GEMIN8: variants seen among roughly 807,000 people sequenced by gnomAD.
GEMIN8 encodes gem nuclear organelle associated protein 8.
For synonymous variants in GEMIN8, 80 were observed against 78.5 expected (o/e 1.02, Z -0.10); for missense variants, 185 against 205.9 (o/e 0.90, Z 0.62).
the GEMIN8 span, among the ~76,000 whole-genome samples, chrX:13,988,439 C>T: frequency 7.7e-4 from 84 of 109,428 alleles, no homozygotes; most frequent in Non-Finnish European, 2.3e-4. Flanking sequence ...TCACCGTTTC[C>T]AGATCTCATC....
chrX:14,009,964 A>G (rs769366552), intron 4 of GEMIN8, among the ~76,000 whole-genome samples: 2 of 112,470 alleles, frequency 1.8e-5, no homozygotes, highest in East Asian at 5.6e-4. Context: ...CATACCAAGC[A>G]AGGAAAAGTT....
intron 4 of GEMIN8, among the ~76,000 whole-genome samples, chrX:14,014,942 C>T (rs1923813096): frequency 8.9e-6 from 1 of 111,755 alleles, no homozygotes; most frequent in Admixed American, 9.5e-5. Flanking sequence ...CGGTGCTCCT[C>T]CTTTGACTGC....
chrX:14,020,303 A>G lies in GEMIN8; in HGVS notation c.247T>C (p.Trp83Arg). The change falls in exon 4 of 5, where the codon TGG (tryptophan) becomes CGG (arginine). Residue 83 changes from tryptophan (W) to arginine (R), a missense_variant. Transcript: ENST00000680255. The stretch of plus-strand genomic sequence containing the variant: ...GAAGAACTGCAGGGGTAGTCCTGCC[A>G]GGCCACATGATGGTCATAGAAGGAC... Reference protein sequence around the residue: ...PQSFYDHHVAWQDYPCSSSHF... With the variant: ...PQSFYDHHVARQDYPCSSSHF... The G allele has an allele frequency of 3.3e-6, 4 of 1,208,316 alleles. No homozygotes were observed. The East Asian group carries it at 1.2e-4, about 36-fold the overall frequency.
At chrX:13,996,390 A>G in the GEMIN8 span, among the ~76,000 whole-genome samples, 2 of 112,325 alleles carry the variant, frequency 1.8e-5, no homozygotes, top group East Asian at 2.8e-4. Context: ...AAGAGATTTA[A>G]TGGACCTACA....
At position 14,021,512 on chromosome X, in the gene GEMIN8, C is replaced by T. The variant is rs756571584; in HGVS notation, c.-33-1G>A. 4 of 1,147,592 alleles carry T rather than the reference C, an allele frequency of 3.5e-6. No individual in the cohort carries two copies. The South Asian group carries it at 7.3e-5, about 21-fold the overall frequency. 94.6% of individuals were successfully genotyped at this position (1,147,592 alleles called of 1,213,427 possible). On this transcript the variant is annotated splice_acceptor_variant, in intron 2 of 4. Coordinates refer to ENST00000680255, the MANE Select transcript of GEMIN8 (RefSeq NM_001042479.2). LOFTEE classifies it low-confidence loss of function (5UTR_SPLICE). ...GTGAAAGTCCAAATGGGTGCTGAAACTAGGAAAGAAGAATCACAGTGCAAA... is the reference window on the plus strand; with the variant it reads ...GTGAAAGTCCAAATGGGTGCTGAAATTAGGAAAGAAGAATCACAGTGCAAA...
intron 4 of GEMIN8, among the ~76,000 whole-genome samples, chrX:14,015,717 T>G (rs1264624056): frequency 8.9e-6 from 1 of 112,619 alleles, no homozygotes; most frequent in Non-Finnish European, 1.9e-5. Context: ...CTAGTAACAT[T>G]TTCTAAAATC....
the GEMIN8 span, among the ~76,000 whole-genome samples, chrX:13,992,593 A>G: frequency 1.8e-5 from 2 of 111,117 alleles, no homozygotes; most frequent in Admixed American, 9.7e-5. Context: ...ATTTCTATTG[A>G]GCTCCCAATT....
the GEMIN8 span, chrX:13,988,869 T>C: frequency 9.4e-6 from 1 of 105,858 alleles, no homozygotes. Context: ...GGGTCAAAGT[T>C]GGAAAATGTT....
Position 14,007,847 on chromosome X carries a change from T to C in GEMIN8, c.*1066A>G, listed in dbSNP as rs1923255786. Among the ~76,000 whole-genome samples, 1 of 110,558 alleles carries C rather than the reference T, an allele frequency of 9.0e-6. No homozygotes were observed. The highest frequency in any genetic ancestry group is 1.9e-5 in the Non-Finnish European group (1 of 52,846). On this transcript the variant is annotated 3_prime_UTR_variant, in exon 5 of 5. Coordinates refer to ENST00000680255, the MANE Select transcript of GEMIN8 (RefSeq NM_001042479.2). ...GGGCCGGAATTATTGTTCTTTGCTC[T>C]CAATTCTGTATGACATCTAAGCTCT...
At chrX:14,003,307 A>G (rs924030546), downstream of GEMIN8, among the ~76,000 whole-genome samples, 1 of 112,199 alleles carries the variant, frequency 8.9e-6, no homozygotes, top group African/African-American at 3.2e-5. Flanking sequence ...AACGGCAGGG[A>G]AGTTAGGAGT....
the GEMIN8 span, among the ~76,000 whole-genome samples, chrX:13,984,192 G>C: frequency 9.0e-6 from 1 of 111,508 alleles, no homozygotes; most frequent in Admixed American, 9.6e-5. Flanking sequence ...AGATGAGAAC[G>C]TGGCTCAGCT....
rs779000989 is a variant in GEMIN8, at chrX:14,009,705, G to C, written c.473-536C>G. On this transcript the variant is annotated intron_variant, in intron 4 of 4. Transcript: ENST00000680255. ...GGCCCACTCACCACCTGCCCAGCTA[G>C]GAATGGCTGATAGAGCTTGCTTGGT... is the stretch of plus-strand genomic sequence containing the variant. Among the ~76,000 whole-genome samples the C allele has an allele frequency of 8.0e-5, 9 of 112,130 alleles. No individual in the cohort carries two copies. The East Asian group carries it at 2.0e-3, about 24-fold the overall frequency.
At chrX:14,014,899 T>A (rs1420975647) in intron 4 of GEMIN8, among the ~76,000 whole-genome samples, 1 of 111,718 alleles carries the variant, frequency 9.0e-6, no homozygotes, top group Non-Finnish European at 1.9e-5. Context: ...CAAATTGGCC[T>A]AGTGCATACC....
At chrX:14,026,246 T>A in intron 1 of GEMIN8, 25 bp from the exon 2 acceptor site, 1 of 751,752 alleles carries the variant, frequency 1.3e-6, no homozygotes, top group Non-Finnish European at 1.6e-6. Flanking sequence ...ATTGGCAATG[T>A]CAGGGAAGGC....
At chrX:14,019,159 C>T (rs1342555603) in intron 4 of GEMIN8, among the ~76,000 whole-genome samples, 1 of 111,754 alleles carries the variant, frequency 8.9e-6, no homozygotes, top group Non-Finnish European at 1.9e-5. Flanking sequence ...CAGGTTTCTA[C>T]GCTTCTGTGT....
downstream of GEMIN8, among the ~76,000 whole-genome samples, chrX:14,004,153 T>A (rs1603179295): frequency 8.9e-6 from 1 of 112,332 alleles, no homozygotes; most frequent in Non-Finnish European, 1.9e-5. Context: ...TGGTGTGTAT[T>A]TTTTAAAGTT....
chrX:13,994,571 A>G, the GEMIN8 span, among the ~76,000 whole-genome samples: 1 of 112,435 alleles, frequency 8.9e-6, no homozygotes, highest in Non-Finnish European at 1.9e-5. Context: ...TGGTGGATGG[A>G]TGCTTAAAAT....
the GEMIN8 span, among the ~76,000 whole-genome samples, chrX:13,988,466 A>G: frequency 9.2e-6 from 1 of 109,022 alleles, no homozygotes; most frequent in Non-Finnish European, 1.9e-5. Context: ...CTCAGTTAAT[A>G]AACAACTGAG....
At chrX:13,989,791 T>G in the GEMIN8 span, among the ~76,000 whole-genome samples, 1 of 112,393 alleles carries the variant, frequency 8.9e-6, no homozygotes, top group South Asian at 3.7e-4. Flanking sequence ...AGGGTTAAGG[T>G]TTAGGTAATA....
Sources: allele counts gnomAD v4.1 joint callset (sites outside exome capture counted in the v4.1 genomes callset), GRCh38; gene constraint gnomAD v4.1.1; transcripts MANE v1.5; gene names NCBI Gene and HGNC (gene_info 2026-07-23, HGNC 2026-07-21).